GRIK2: variants seen among roughly 807,000 people sequenced by gnomAD.
The protein encoded by GRIK2 is glutamate ionotropic receptor kainate type subunit 2.
A neutral mutation model predicts 100.3 loss-of-function variants in GRIK2; 32 were observed. That is an observed-to-expected ratio of 0.32 (90% CI 0.24 to 0.43). The LOEUF (loss-of-function observed/expected upper bound fraction) is 0.43. Ranked by LOEUF, GRIK2 falls within the 20% of genes least tolerant of loss-of-function variation. The pLI, the probability that GRIK2 is intolerant of heterozygous loss-of-function variation, is 1.00. For synonymous variants in GRIK2, 417 were observed against 389.4 expected, an observed-to-expected ratio of 1.07 and a Z score of -0.83; for missense variants, 843 against 1,114.9, an observed-to-expected ratio of 0.76 and a Z score of 3.47.
intron 14 of GRIK2, among the ~76,000 whole-genome samples, chr6:102,001,269 A>G (rs966131714): frequency 1.3e-5 from 2 of 151,044 alleles, no homozygotes; most frequent in African/African-American, 4.9e-5. Flanking sequence ...TACATGTGCC[A>G]TGGTGGTTTG....
At chr6:102,001,925 T>A (rs903935697) in intron 14 of GRIK2, among the ~76,000 whole-genome samples, 1 of 152,028 alleles carries the variant, frequency 6.6e-6, no homozygotes, top group East Asian at 1.9e-4. Flanking sequence ...TATCAGAAAT[T>A]AATTTCAAAG....
chr6:101,492,570 G>A (rs952840217), intron 2 of GRIK2, among the ~76,000 whole-genome samples: 4 of 151,688 alleles, frequency 2.6e-5, no homozygotes, highest in Admixed American at 1.3e-4. Context: ...TTTTTGATAT[G>A]GCTTCTTTTG....
chr6:101,783,011 C>G (rs1779195340), intron 7 of GRIK2, among the ~76,000 whole-genome samples: 1 of 151,968 alleles, frequency 6.6e-6, no homozygotes, highest in Non-Finnish European at 1.5e-5. Flanking sequence ...CACCCGCCAC[C>G]ATGCCCGGCT....
Position 101,574,339 on chromosome 6 carries a change from TA to T in GRIK2, c.116-47605del, listed in dbSNP as rs947582765. Among the ~76,000 whole-genome samples the T allele has an allele frequency of 5.4e-5, 8 of 147,390 alleles. No individual in the cohort carries two copies. The South Asian group carries it at 1.7e-3, about 31-fold the overall frequency. The stretch of plus-strand genomic sequence containing the variant: ...TAATATATTATGAATATATGATAAA[TA>T]AAAATATATAATTATATATACTTAT... On this transcript the variant is annotated intron_variant, in intron 2 of 16. Transcript: ENST00000369134.
At chr6:101,978,241 G>A (rs1276618903) in intron 14 of GRIK2, among the ~76,000 whole-genome samples, 1 of 151,882 alleles carries the variant, frequency 6.6e-6, no homozygotes, top group Non-Finnish European at 1.5e-5. Context: ...ATTAAAGGCA[G>A]GGGAGTGGTC....
chr6:101,658,403 A>G (rs1490475295), intron 4 of GRIK2, among the ~76,000 whole-genome samples: 2 of 152,170 alleles, frequency 1.3e-5, no homozygotes, highest in African/African-American at 2.4e-5. Context: ...TTATGGCTGC[A>G]TAGTATTCCG....
chr6:101,435,386 ATTTT>A (rs367634710), intron 2 of GRIK2, among the ~76,000 whole-genome samples: 3 of 140,916 alleles, frequency 2.1e-5, no homozygotes, highest in Admixed American at 7.0e-5. Context: ...GCACACGGTG[ATTTT>A]TTTTTTTTTT....
chr6:101,978,245 A>T lies in GRIK2; in HGVS notation c.2085+49613A>T, dbSNP rs953303651. On this transcript the variant is annotated intron_variant, in intron 14 of 16. Coordinates refer to ENST00000369134, the MANE Select transcript of GRIK2 (RefSeq NM_021956.5). ...GGTGTTTCAAGATTAAAGGCAGGGG[A>T]GTGGTCTCTTCATCAGGGAACTGAG... is the stretch of plus-strand genomic sequence containing the variant. Among the ~76,000 whole-genome samples the T allele has an allele frequency of 2.0e-5, 3 of 151,992 alleles. No homozygotes were observed. In the South Asian group the frequency reaches 6.2e-4, roughly 32 times the overall value.
chr6:101,480,782 T>G (rs1772487507), intron 2 of GRIK2, among the ~76,000 whole-genome samples: 1 of 152,200 alleles, frequency 6.6e-6, no homozygotes, highest in Admixed American at 6.5e-5. Flanking sequence ...TGCCTCTTCT[T>G]CAGTCTTCTT....
intron 2 of GRIK2, among the ~76,000 whole-genome samples, chr6:101,437,024 G>A (rs1297597466): frequency 6.7e-6 from 1 of 149,454 alleles, no homozygotes. Context: ...ATACCTATAT[G>A]GATATATATA....
At chr6:101,791,046 T>A (rs1217893841) in intron 7 of GRIK2, among the ~76,000 whole-genome samples, 2 of 152,210 alleles carry the variant, frequency 1.3e-5, no homozygotes, top group African/African-American at 4.8e-5. Context: ...GTGGGATCGG[T>A]GGTGATATCC....
In GRIK2 at chr6:101,958,349, A is replaced by G. The variant is rs1189802999; in HGVS notation, c.2085+29717A>G. The stretch of plus-strand genomic sequence containing the variant: ...AGTTTGTATGTTATTGATTATAGAA[A>G]TGCTACTGACCTTTATACATTGATT... On this transcript the variant is annotated intron_variant, in intron 14 of 16. Transcript: ENST00000369134. 8.6e-5 allele frequency among the ~76,000 whole-genome samples: 13 copies of G among 150,806 alleles called. No homozygotes were observed. The East Asian group carries it at 2.6e-3, about 30-fold the overall frequency.
rs1315524835 is a variant in GRIK2, at chr6:102,006,390, A to ATAT, written c.2086-28950_2086-28949insATT. Among the ~76,000 whole-genome samples the ATAT allele has an allele frequency of 2.9e-3, 326 of 114,080 alleles. 1 individual carries two copies. Among genetic ancestry groups the ATAT allele is most frequent in the African/African-American group, 3.4e-3 (74 of 21,906 alleles). 74.8% of individuals were successfully genotyped at this position (114,080 alleles called of 152,430 possible). The stretch of plus-strand genomic sequence containing the variant: ...CTTTTATATATATATATATATATAT[A>ATAT]TTTTTTTTTTTTTTGAGACATACAG... On this transcript the variant is annotated intron_variant, in intron 14 of 16. Coordinates refer to ENST00000369134, the MANE Select transcript of GRIK2 (RefSeq NM_021956.5).
intron 11 of GRIK2, among the ~76,000 whole-genome samples, chr6:101,879,658 A>T (rs1008318065): frequency 4.2e-5 from 6 of 142,554 alleles, no homozygotes; most frequent in Admixed American, 3.8e-4. Context: ...CTTGCTTGTT[A>T]ATTTGGTTGA....
chr6:101,579,429 A>G (rs1242708306), intron 2 of GRIK2, among the ~76,000 whole-genome samples: 1 of 150,902 alleles, frequency 6.6e-6, no homozygotes, highest in Middle Eastern at 3.2e-3. Context: ...ATCTTTCTTT[A>G]TCTTTTATTT....
chr6:101,754,543 T>G (rs1246609304), intron 7 of GRIK2, among the ~76,000 whole-genome samples: 2 of 152,172 alleles, frequency 1.3e-5, no homozygotes, highest in African/African-American at 4.8e-5. Flanking sequence ...AATCATAATG[T>G]AAATGTAACC....
chr6:101,409,766 C>G (rs556734698), intron 2 of GRIK2, among the ~76,000 whole-genome samples: 2 of 151,660 alleles, frequency 1.3e-5, no homozygotes, highest in Non-Finnish European at 1.5e-5. Flanking sequence ...GTGTAGAGCT[C>G]TGAGTTTATT....
At chr6:101,568,005 C>A (rs1178198218) in intron 2 of GRIK2, among the ~76,000 whole-genome samples, 5 of 151,932 alleles carry the variant, frequency 3.3e-5, no homozygotes, top group African/African-American at 1.2e-4. Flanking sequence ...TTGTTTCTAA[C>A]CAGTATGAAC....
intron 2 of GRIK2, among the ~76,000 whole-genome samples, chr6:101,403,118 G>A (rs1266856135): frequency 1.3e-5 from 2 of 152,166 alleles, no homozygotes; most frequent in Non-Finnish European, 2.9e-5. Flanking sequence ...ACATGTTTAA[G>A]CATCCTTTTT....
Sources: gnomAD v4.1 joint callset for allele counts (sites outside exome capture counted in the v4.1 genomes callset) on GRCh38, gnomAD v4.1.1 for gene constraint, MANE v1.5 for transcripts, NCBI Gene and HGNC (gene_info 2026-07-23, HGNC 2026-07-21) for gene names.